Variants in PBX1 observed in about 807,000 individuals in gnomAD.
PBX1 encodes PBX homeobox 1.
PBX1 carries 6 observed loss-of-function variants against 53.4 expected under a neutral mutation model. The observed-to-expected ratio is 0.11, with a 90% CI of 0.06 to 0.22. The LOEUF (loss-of-function observed/expected upper bound fraction) is 0.22. Among genes scored for constraint, PBX1 ranks in the 10% least tolerant of loss-of-function variants. The pLI is 1.00. For synonymous variants in PBX1, 204 were observed against 212.3 expected, an observed-to-expected ratio of 0.96 and a Z score of 0.34; for missense variants, 251 against 551.4, an observed-to-expected ratio of 0.46 and a Z score of 5.46.
intron 8 of PBX1, among the ~76,000 whole-genome samples, chr1:164,828,008 AC>A (rs1410646627): frequency 2.6e-5 from 4 of 152,196 alleles, no homozygotes; most frequent in Non-Finnish European, 4.4e-5. Flanking sequence ...AAGGGAACTG[AC>A]CAACTCTATA....
chr1:164,756,671 A>C (rs1666542722), intron 2 of PBX1, among the ~76,000 whole-genome samples: 1 of 152,256 alleles, frequency 6.6e-6, no homozygotes, highest in Non-Finnish European at 1.5e-5. Flanking sequence ...CTGATTTGAG[A>C]ATATCTGGCA....
intron 2 of PBX1, among the ~76,000 whole-genome samples, chr1:164,660,293 G>A (rs920693482): frequency 6.6e-6 from 1 of 152,174 alleles, no homozygotes; most frequent in Non-Finnish European, 1.5e-5. Context: ...GGAGCCCTTT[G>A]GGGACCTTGC....
At chr1:164,626,049 C>G (rs1332862101) in intron 2 of PBX1, 3 of 1,039,002 alleles carry the variant, frequency 2.9e-6, no homozygotes, top group African/African-American at 3.4e-5. Flanking sequence ...CCCGTTACCC[C>G]CCAGCCCACA....
intron 2 of PBX1, among the ~76,000 whole-genome samples, chr1:164,711,154 G>A (rs537600338): frequency 6.6e-6 from 1 of 152,202 alleles, no homozygotes; most frequent in Non-Finnish European, 1.5e-5. Flanking sequence ...CAGGGTGGCT[G>A]CTGACTTTGT....
At chr1:164,759,793 G>A (rs1007031101) in intron 2 of PBX1, among the ~76,000 whole-genome samples, 6 of 152,154 alleles carry the variant, frequency 3.9e-5, no homozygotes, top group Non-Finnish European at 7.4e-5. Context: ...ATTACTCTTT[G>A]GGGCACTCTC....
intron 2 of PBX1, among the ~76,000 whole-genome samples, chr1:164,863,530 T>A (rs1672145278): frequency 6.6e-6 from 1 of 152,138 alleles, no homozygotes; most frequent in Admixed American, 6.6e-5. Context: ...CAGGTAAGTG[T>A]AAATCTGCAA....
chr1:164,776,339 A>G (rs1667643432), intron 2 of PBX1, among the ~76,000 whole-genome samples: 1 of 152,190 alleles, frequency 6.6e-6, no homozygotes, highest in Admixed American at 6.5e-5. Flanking sequence ...AGCTAAAGGC[A>G]GAACAGAAAA....
At chr1:164,721,169 T>G (rs953373712) in intron 2 of PBX1, among the ~76,000 whole-genome samples, 1 of 152,244 alleles carries the variant, frequency 6.6e-6, no homozygotes, top group Admixed American at 6.5e-5. Flanking sequence ...TTTCTGGAAT[T>G]TGCCTCTTGG....
intron 2 of PBX1, among the ~76,000 whole-genome samples, chr1:164,698,229 G>T (rs1399166475): frequency 6.6e-6 from 1 of 152,116 alleles, no homozygotes; most frequent in Admixed American, 6.5e-5. Context: ...GAGGGTGAGA[G>T]CAAGACTCCT....
chr1:164,753,103 C>T (rs1180987011), intron 2 of PBX1, among the ~76,000 whole-genome samples: 1 of 152,162 alleles, frequency 6.6e-6, no homozygotes, highest in Non-Finnish European at 1.5e-5. Context: ...CGATCTGAAT[C>T]TTTTATCTGT....
At chr1:164,742,296 C>T (rs924411722) in intron 2 of PBX1, among the ~76,000 whole-genome samples, 1 of 152,132 alleles carries the variant, frequency 6.6e-6, no homozygotes, top group Non-Finnish European at 1.5e-5. Flanking sequence ...AATCCCAGCA[C>T]TTTGTGAGGC....
intron 2 of PBX1, among the ~76,000 whole-genome samples, chr1:164,705,454 T>C (rs1663372824): frequency 6.6e-6 from 1 of 152,360 alleles, no homozygotes; most frequent in Non-Finnish European, 1.5e-5. Context: ...GCTCAATCTT[T>C]AAAATTTTTC....
Position 164,743,824 on chromosome 1 carries a change from T to A in PBX1, c.266-48670T>A, listed in dbSNP as rs762740576. Among the ~76,000 whole-genome samples the A allele has an allele frequency of 2.8e-4, 42 of 152,182 alleles. 1 individual carries two copies. The highest frequency in any genetic ancestry group is 5.4e-4 in the Non-Finnish European group (37 of 68,030). Reference sequence around the variant, plus strand: ...ATACTTCTCAACTGAGTTAGTTCTTTTAAGAAGCCTTCTTAAAACTCCAGT... The same window carrying A: ...ATACTTCTCAACTGAGTTAGTTCTTATAAGAAGCCTTCTTAAAACTCCAGT... On this transcript the variant is annotated intron_variant, in intron 2 of 8. Transcript: ENST00000420696.
intron 2 of PBX1, among the ~76,000 whole-genome samples, chr1:164,604,327 A>G (rs1226092327): frequency 2.0e-5 from 3 of 152,188 alleles, no homozygotes; most frequent in Non-Finnish European, 2.9e-5. Flanking sequence ...TGACCACACT[A>G]TGTTTGGTTG....
intron 2 of PBX1, among the ~76,000 whole-genome samples, chr1:164,741,739 A>AGTGTGTGTGTGT (rs57771496): frequency 0.025 from 3,584 of 140,864 alleles, 76 homozygotes; most frequent in South Asian, 0.065. Context: ...TGTATGAGTG[A>AGTGTGTGTGTGT]GTGTGTGTGT....
intron 2 of PBX1, among the ~76,000 whole-genome samples, chr1:164,686,689 AAGTTTGTTCAACAAATG>A (rs1255568569): frequency 6.6e-6 from 1 of 152,196 alleles, no homozygotes; most frequent in Non-Finnish European, 1.5e-5. Flanking sequence ...AGCCATGGGT[AAGTTTGTTCAACAAATG>A]AGTGATCTTT....
At chr1:164,568,552 G>C (rs1425690309) in intron 2 of PBX1, among the ~76,000 whole-genome samples, 2 of 152,218 alleles carry the variant, frequency 1.3e-5, no homozygotes, top group Non-Finnish European at 2.9e-5. Flanking sequence ...TGATAAATAA[G>C]TAGAGAATTC....
At chr1:164,810,018 T>C (rs1477164993) in intron 5 of PBX1, among the ~76,000 whole-genome samples, 1 of 152,222 alleles carries the variant, frequency 6.6e-6, no homozygotes, top group Non-Finnish European at 1.5e-5. Context: ...ATGTTCTATA[T>C]GCTTTATCTG....
At chr1:164,565,749 C>CT (rs111807009) in intron 2 of PBX1, among the ~76,000 whole-genome samples, 1,452 of 142,924 alleles carry the variant, frequency 0.01, 17 homozygotes, top group African/African-American at 0.032. Context: ...GTTGCAGGAG[C>CT]TTTTTTTTTT....
Sources: allele counts gnomAD v4.1 joint callset (sites outside exome capture counted in the v4.1 genomes callset), GRCh38; gene constraint gnomAD v4.1.1; transcripts MANE v1.5; gene names NCBI Gene and HGNC (gene_info 2026-07-23, HGNC 2026-07-21).